The following NTM variants were observed in gnomAD, a reference collection of about 807,000 sequenced individuals.
The protein encoded by NTM is neurotrimin.
Under a neutral mutation model 42.1 loss-of-function variants are expected in NTM, and 13 were observed. The ratio of observed to expected loss-of-function variants is 0.31; its 90% CI spans 0.20 to 0.49. The LOEUF (loss-of-function observed/expected upper bound fraction) is 0.49. Ranked by LOEUF, NTM falls within the 20% of genes least tolerant of loss-of-function variation. The probability of loss-of-function intolerance (pLI) is 0.99; values close to 1 mark genes in which losing one functional copy is unlikely to be tolerated. For synonymous variants in NTM, 187 were observed against 179.2 expected, an observed-to-expected ratio of 1.04 and a Z score of -0.35; for missense variants, 373 against 452.8, an observed-to-expected ratio of 0.82 and a Z score of 1.60.
chr11:132,208,578 C>A (rs971771038), intron 3 of NTM, among the ~76,000 whole-genome samples: 2 of 152,178 alleles, frequency 1.3e-5, no homozygotes, highest in African/African-American at 4.8e-5. Flanking sequence ...AATATACTTA[C>A]TGCACTGACA....
chr11:132,018,152 G>A (rs12360780), intron 2 of NTM, among the ~76,000 whole-genome samples: 49,526 of 150,330 alleles, frequency 0.33, 9,169 homozygotes, highest in East Asian at 0.81. Context: ...TCCCTCTCTC[G>A]TTTCCTGTCT....
chr11:131,868,040 C>T (rs1248706593), intron 1 of NTM, among the ~76,000 whole-genome samples: 7 of 152,174 alleles, frequency 4.6e-5, no homozygotes, highest in Admixed American at 2.6e-4. Flanking sequence ...ATTGTTTTGA[C>T]TTGCTGATTG....
At chr11:131,462,661 C>T (rs376555453) in intron 1 of NTM, among the ~76,000 whole-genome samples, 5 of 152,226 alleles carry the variant, frequency 3.3e-5, no homozygotes, top group African/African-American at 7.2e-5. Context: ...TCAGTGGTTT[C>T]CTTTCATCCT....
intron 1 of NTM, among the ~76,000 whole-genome samples, chr11:131,802,618 C>T (rs2136238517): frequency 1.3e-5 from 2 of 152,300 alleles, no homozygotes; most frequent in South Asian, 4.2e-4. Flanking sequence ...AAGCTCTCTC[C>T]CTGTGCCATC....
chr11:131,677,706 T>A (rs1264583230), intron 1 of NTM, among the ~76,000 whole-genome samples: 4 of 152,174 alleles, frequency 2.6e-5, no homozygotes, highest in Non-Finnish European at 4.4e-5. Context: ...CTATGAGCAA[T>A]ATGTTAAGAT....
chr11:131,555,112 T>C (rs896025516), intron 1 of NTM, among the ~76,000 whole-genome samples: 1 of 152,162 alleles, frequency 6.6e-6, no homozygotes, highest in African/African-American at 2.4e-5. Flanking sequence ...CAGTGAGCTA[T>C]GGTCGTGCCA....
At chr11:131,479,889 A>T (rs540645217) in intron 1 of NTM, among the ~76,000 whole-genome samples, 72 of 151,924 alleles carry the variant, frequency 4.7e-4, no homozygotes, top group Non-Finnish European at 7.4e-4. Flanking sequence ...ATTTTGATAA[A>T]TTTTTTTTTA....
intron 1 of NTM, among the ~76,000 whole-genome samples, chr11:131,433,176 C>T (rs1052238796): frequency 1.3e-5 from 2 of 151,968 alleles, no homozygotes; most frequent in African/African-American, 2.4e-5. Flanking sequence ...TAAACCTGTC[C>T]CATCACATTT....
intron 1 of NTM, among the ~76,000 whole-genome samples, chr11:131,521,110 G>A (rs371855869): frequency 1.9e-3 from 285 of 152,010 alleles, no homozygotes; most frequent in African/African-American, 6.5e-3. Flanking sequence ...GGATCACGAG[G>A]TCAGGAGTTT....
intron 1 of NTM, among the ~76,000 whole-genome samples, chr11:131,856,718 T>C (rs1029809928): frequency 5.9e-5 from 9 of 152,246 alleles, no homozygotes; most frequent in Non-Finnish European, 1.3e-4. Flanking sequence ...TGAAGATGTA[T>C]GTATTCTTTT....
intron 1 of NTM, among the ~76,000 whole-genome samples, chr11:131,452,477 G>A (rs1032368684): frequency 6.6e-6 from 1 of 152,230 alleles, no homozygotes; most frequent in Non-Finnish European, 1.5e-5. Flanking sequence ...AACAGGCCAG[G>A]AGGAAGCCTT....
intron 1 of NTM, among the ~76,000 whole-genome samples, chr11:131,517,822 C>T (rs910866376): frequency 6.6e-6 from 1 of 152,176 alleles, no homozygotes; most frequent in African/African-American, 2.4e-5. Context: ...TGCTTGCTTT[C>T]TCATTACCCA....
intron 2 of NTM, among the ~76,000 whole-genome samples, chr11:131,939,318 C>T (rs2059554959): frequency 6.6e-6 from 1 of 152,000 alleles, no homozygotes; most frequent in South Asian, 2.1e-4. Context: ...CTGCCACAAC[C>T]AGGAGTTCTG....
At chr11:132,029,807 C>T (rs560448217) in intron 2 of NTM, among the ~76,000 whole-genome samples, 13 of 152,070 alleles carry the variant, frequency 8.5e-5, no homozygotes, top group African/African-American at 1.7e-4. Context: ...TAGTCAGAGA[C>T]GAGGAGTGGG....
intron 1 of NTM, among the ~76,000 whole-genome samples, chr11:131,510,290 C>T (rs944743727): frequency 6.6e-6 from 1 of 152,202 alleles, no homozygotes; most frequent in Non-Finnish European, 1.5e-5. Context: ...CACCCTGGCT[C>T]CCTGGCCCTG....
At chr11:131,458,431 C>A (rs187552236) in intron 1 of NTM, among the ~76,000 whole-genome samples, 1 of 152,186 alleles carries the variant, frequency 6.6e-6, no homozygotes, top group Non-Finnish European at 1.5e-5. Flanking sequence ...AGAACACCTG[C>A]GGAGCTCCTT....
chr11:132,115,585 T>C (rs1012012518), intron 2 of NTM, among the ~76,000 whole-genome samples: 3 of 152,106 alleles, frequency 2.0e-5, no homozygotes, highest in Admixed American at 1.3e-4. Context: ...AGGAGATGAC[T>C]CTGTGGGAGG....
At chr11:132,125,371 T>TGTGTGTGTGTG (rs1555271749) in intron 2 of NTM, among the ~76,000 whole-genome samples, 3 of 148,506 alleles carry the variant, frequency 2.0e-5, no homozygotes, top group African/African-American at 7.5e-5. Context: ...GTGTATGATG[T>TGTGTGTGTGTG]GTGTGTGGTG....
chr11:132,322,020 T>C (rs992088091), intron 7 of NTM, among the ~76,000 whole-genome samples: 1 of 151,478 alleles, frequency 6.6e-6, no homozygotes, highest in Non-Finnish European at 1.5e-5. Flanking sequence ...AAAGAGCTCC[T>C]GAAGGAAGTG....
Sources: gnomAD v4.1 joint callset for allele counts (sites outside exome capture counted in the v4.1 genomes callset) on GRCh38, gnomAD v4.1.1 for gene constraint, MANE v1.5 for transcripts, NCBI Gene and HGNC (gene_info 2026-07-23, HGNC 2026-07-21) for gene names.